Variants in CDH4 observed in about 807,000 individuals in gnomAD.
The protein encoded by CDH4 is cadherin 4.
Under a neutral mutation model 86.0 loss-of-function variants are expected in CDH4, and 33 were observed. The ratio of observed to expected loss-of-function variants is 0.38; its 90% confidence interval spans 0.29 to 0.51. The LOEUF is 0.51. CDH4 is among the 20% of genes least tolerant of loss of function. The probability of loss-of-function intolerance (pLI) is 0.86; values close to 1 mark genes in which losing one functional copy is unlikely to be tolerated. For missense variants in CDH4, 1,114 were observed against 1,307.4 expected (o/e 0.85, Z 2.28); for synonymous variants, 555 against 549.4 (o/e 1.01, Z -0.14).
intron 2 of CDH4, among the ~76,000 whole-genome samples, chr20:61,467,745 G>A (rs1428118404): frequency 1.3e-5 from 2 of 152,130 alleles, no homozygotes; most frequent in African/African-American, 4.8e-5. Context: ...TGTGGAGGTG[G>A]ACAACTACAA....
At chr20:61,843,906 C>T (rs757392272) in intron 4 of CDH4, among the ~76,000 whole-genome samples, 1 of 152,202 alleles carries the variant, frequency 6.6e-6, no homozygotes, top group African/African-American at 2.4e-5. Flanking sequence ...CCCAACTTCC[C>T]TGAGGGAACC....
At chr20:61,484,551 A>G (rs954751990) in intron 2 of CDH4, among the ~76,000 whole-genome samples, 2 of 152,170 alleles carry the variant, frequency 1.3e-5, no homozygotes, top group African/African-American at 4.8e-5. Context: ...TATCACCACA[A>G]CCACGTGAAG....
chr20:61,637,911 T>G (rs2086964144), intron 2 of CDH4, among the ~76,000 whole-genome samples: 1 of 151,740 alleles, frequency 6.6e-6, no homozygotes, highest in African/African-American at 2.4e-5. Flanking sequence ...AGCCCAGCTA[T>G]TTGGGAGGCT....
At chr20:61,289,714 G>A (rs550040968) in intron 2 of CDH4, among the ~76,000 whole-genome samples, 2 of 148,240 alleles carry the variant, frequency 1.3e-5, no homozygotes, top group East Asian at 2.0e-4. Context: ...AGACTTGCTG[G>A]GTTTATCCCC....
intron 1 of CDH4, among the ~76,000 whole-genome samples, chr20:61,253,020 C>T (rs1292694347): frequency 6.6e-6 from 1 of 151,650 alleles, no homozygotes; most frequent in Admixed American, 6.6e-5. Context: ...CGGCTGCGGG[C>T]CAGGGATCCG....
intron 2 of CDH4, among the ~76,000 whole-genome samples, chr20:61,734,102 C>T (rs942233810): frequency 1.3e-5 from 2 of 152,202 alleles, no homozygotes; most frequent in Non-Finnish European, 2.9e-5. Context: ...GGGGAGCTGC[C>T]GGCTCCTCTG....
intron 3 of CDH4, among the ~76,000 whole-genome samples, chr20:61,768,326 CAT>C (rs1304549565): frequency 2.0e-5 from 3 of 152,184 alleles, no homozygotes; most frequent in Admixed American, 1.3e-4. Context: ...TACATCTGTG[CAT>C]ATTTGACGTG....
chr20:61,473,959 C>T (rs765446172), intron 2 of CDH4, among the ~76,000 whole-genome samples: 4 of 152,036 alleles, frequency 2.6e-5, no homozygotes, highest in South Asian at 2.1e-4. Flanking sequence ...TCACTGTATA[C>T]TAATTAATAT....
At chr20:61,886,066 G>A (rs1249492293) in intron 7 of CDH4, among the ~76,000 whole-genome samples, 1 of 152,226 alleles carries the variant, frequency 6.6e-6, no homozygotes, top group African/African-American at 2.4e-5. Context: ...AGGGCCTTGG[G>A]ACTCCTTTTA....
intron 12 of CDH4, among the ~76,000 whole-genome samples, chr20:61,928,768 G>C (rs957615297): frequency 2.6e-5 from 4 of 152,250 alleles, no homozygotes; most frequent in Non-Finnish European, 5.9e-5. Context: ...CCTGGATGCA[G>C]ATCTGTGGTA....
At chr20:61,504,981 T>G (rs6121653) in intron 2 of CDH4, among the ~76,000 whole-genome samples, 5,711 of 152,240 alleles carry the variant, frequency 0.038, 138 homozygotes, top group Non-Finnish European at 0.047. Context: ...CTGCAAATGT[T>G]GGGGAGGGGG....
chr20:61,555,887 G>A (rs758128712), intron 2 of CDH4, among the ~76,000 whole-genome samples: 2 of 152,206 alleles, frequency 1.3e-5, no homozygotes, highest in African/African-American at 2.4e-5. Context: ...CTAGTCGTGT[G>A]ACAATGTGAT....
chr20:61,642,934 T>A (rs2087026405), intron 2 of CDH4, among the ~76,000 whole-genome samples: 1 of 152,226 alleles, frequency 6.6e-6, no homozygotes, highest in Non-Finnish European at 1.5e-5. Context: ...TCCTTGTGAT[T>A]ACTTTTAGGA....
At chr20:61,433,946 AC>A (rs749796090) in intron 2 of CDH4, among the ~76,000 whole-genome samples, 2 of 152,064 alleles carry the variant, frequency 1.3e-5, no homozygotes, top group Non-Finnish European at 2.9e-5. Context: ...GCTTACATAG[AC>A]CCACCCACCT....
At chr20:61,660,557 T>C (rs2087241854) in intron 2 of CDH4, among the ~76,000 whole-genome samples, 1 of 152,098 alleles carries the variant, frequency 6.6e-6, no homozygotes, top group South Asian at 2.1e-4. Context: ...TGCGCCTGAC[T>C]GTTTGAATAT....
chr20:61,798,851 C>T (rs947226651), intron 4 of CDH4, among the ~76,000 whole-genome samples: 2 of 152,206 alleles, frequency 1.3e-5, no homozygotes, highest in Non-Finnish European at 2.9e-5. Flanking sequence ...GTCCCAGTCT[C>T]ATTAGCTCAC....
At chr20:61,782,864 A>G (rs1978621810) in intron 4 of CDH4, among the ~76,000 whole-genome samples, 1 of 152,196 alleles carries the variant, frequency 6.6e-6, no homozygotes, top group Admixed American at 6.5e-5. Flanking sequence ...TGGACGTACC[A>G]CTTGAGGCCA....
chr20:61,306,346 CT>C (rs5842347), intron 2 of CDH4, among the ~76,000 whole-genome samples: 145,480 of 151,088 alleles, frequency 0.96, 70,235 homozygotes, highest in East Asian at 1. Context: ...CTTTCTTTTT[CT>C]TTTTTTTTTA....
intron 2 of CDH4, among the ~76,000 whole-genome samples, chr20:61,529,333 G>A (rs1415408707): frequency 1.3e-5 from 2 of 152,150 alleles, no homozygotes; most frequent in Admixed American, 6.5e-5. Context: ...AATAAAACTG[G>A]TAATAAAATG....
Sources: gnomAD v4.1 joint callset for allele counts (sites outside exome capture counted in the v4.1 genomes callset) on GRCh38, gnomAD v4.1.1 for gene constraint, MANE v1.5 for transcripts, NCBI Gene and HGNC (gene_info 2026-07-23, HGNC 2026-07-21) for gene names.